Variants in DLG2 observed in about 807,000 individuals in gnomAD.
DLG2 encodes the protein discs large MAGUK scaffold protein 2, also known as disks large homolog 2.
DLG2 carries 45 observed loss-of-function variants against 132.5 expected under a neutral mutation model. The ratio of observed to expected loss-of-function variants is 0.34; its 90% CI spans 0.27 to 0.44. The LOEUF is 0.44. Among genes scored for constraint, DLG2 ranks in the 20% least tolerant of loss-of-function variants. The pLI is 1.00. For synonymous variants in DLG2, 424 were observed against 419.6 expected (o/e 1.01, Z -0.13); for missense variants, 1,045 against 1,196.9 (o/e 0.87, Z 1.87).
intron 6 of DLG2, among the ~76,000 whole-genome samples, chr11:84,794,140 C>T (rs993759282): frequency 6.6e-6 from 1 of 152,118 alleles, no homozygotes; most frequent in African/African-American, 2.4e-5. Flanking sequence ...TAATTTATCA[C>T]TGATTACATA....
intron 4 of DLG2, among the ~76,000 whole-genome samples, chr11:85,262,300 A>G (rs1348013414): frequency 2.0e-5 from 3 of 152,200 alleles, no homozygotes; most frequent in Non-Finnish European, 4.4e-5. Flanking sequence ...AAATATTAAA[A>G]GCTGATAGAG....
chr11:83,485,201 CAT>C lies in DLG2; in HGVS notation c.2194-975_2194-974del, dbSNP rs199606250. Among the ~76,000 whole-genome samples the C allele has an allele frequency of 2.3e-3, 356 of 152,164 alleles. 4 individuals are homozygous for C. Among genetic ancestry groups the C allele is most frequent in the East Asian group, 0.017 (88 of 5,166 alleles). The stretch of plus-strand genomic sequence containing the variant: ...AAATGAGGCTGAATTAAAAATAACA[CAT>C]AGATACATAATACGATACAGGCATT... On this transcript the variant is annotated intron_variant, in intron 21 of 27. Coordinates refer to ENST00000376104, the MANE Select transcript of DLG2 (RefSeq NM_001142699.3).
intron 6 of DLG2, among the ~76,000 whole-genome samples, chr11:84,719,606 A>AATG (rs2061576919): frequency 6.6e-6 from 1 of 152,202 alleles, no homozygotes; most frequent in Non-Finnish European, 1.5e-5. Context: ...AGGAGCAATG[A>AATG]ATGATAACCT....
intron 6 of DLG2, among the ~76,000 whole-genome samples, chr11:84,616,049 A>G (rs2099603885): frequency 1.3e-5 from 2 of 152,032 alleles, no homozygotes; most frequent in African/African-American, 2.4e-5. Flanking sequence ...ATGACAAAAA[A>G]GTACTATGAA....
At chr11:85,344,490 A>G (rs2082699554) in intron 3 of DLG2, among the ~76,000 whole-genome samples, 1 of 152,218 alleles carries the variant, frequency 6.6e-6, no homozygotes, top group African/African-American at 2.4e-5. Context: ...ACTACTTCAT[A>G]TAAAGAATTT....
intron 7 of DLG2, among the ~76,000 whole-genome samples, chr11:84,422,064 A>G (rs1014353978): frequency 1.3e-5 from 2 of 152,178 alleles, no homozygotes; most frequent in African/African-American, 4.8e-5. Flanking sequence ...CCACTCAAAC[A>G]TATCTCTCCC....
At chr11:84,818,019 C>T (rs2077253744) in intron 6 of DLG2, among the ~76,000 whole-genome samples, 1 of 151,944 alleles carries the variant, frequency 6.6e-6, no homozygotes, top group African/African-American at 2.4e-5. Flanking sequence ...ATATGCCAAA[C>T]AGATGATGAA....
intron 7 of DLG2, among the ~76,000 whole-genome samples, chr11:84,284,250 T>C (rs753208677): frequency 2.6e-5 from 4 of 152,118 alleles, no homozygotes; most frequent in Non-Finnish European, 4.4e-5. Flanking sequence ...AAATCAAACC[T>C]GGCATCTGAC....
Position 85,517,432 on chromosome 11 carries a change from G to C in DLG2, c.40+81225C>G, listed in dbSNP as rs143905804. Among the ~76,000 whole-genome samples, 21 of 152,014 alleles carry C rather than the reference G, an allele frequency of 1.4e-4. No homozygotes were observed. The East Asian group carries it at 3.3e-3, about 24-fold the overall frequency. On this transcript the variant is annotated intron_variant, in intron 3 of 27. Coordinates refer to ENST00000376104, the MANE Select transcript of DLG2 (RefSeq NM_001142699.3). ...ACACAATACTAGAAGTCCTAGCCAGGGCAATCAGGAAGTAGAAAGAAATAA... is the reference window on the plus strand; with the variant it reads ...ACACAATACTAGAAGTCCTAGCCAGCGCAATCAGGAAGTAGAAAGAAATAA...
intron 4 of DLG2, among the ~76,000 whole-genome samples, chr11:85,251,313 A>C (rs1403259676): frequency 6.6e-6 from 1 of 152,200 alleles, no homozygotes; most frequent in African/African-American, 2.4e-5. Context: ...GTCAAAATGG[A>C]AACTCTCATC....
At chr11:85,373,103 C>T (rs574050673) in intron 3 of DLG2, among the ~76,000 whole-genome samples, 53 of 152,270 alleles carry the variant, frequency 3.5e-4, no homozygotes, top group African/African-American at 1.2e-3. Context: ...TTAAACTGGT[C>T]GACCTAGGTT....
At chr11:85,488,344 G>A (rs1053209359) in intron 3 of DLG2, among the ~76,000 whole-genome samples, 2 of 151,272 alleles carry the variant, frequency 1.3e-5, no homozygotes, top group African/African-American at 2.4e-5. Context: ...AGCCGAGATC[G>A]CACCACTGCA....
At chr11:83,929,224 A>T (rs1271024688) in intron 15 of DLG2, among the ~76,000 whole-genome samples, 1 of 152,234 alleles carries the variant, frequency 6.6e-6, no homozygotes, top group African/African-American at 2.4e-5. Context: ...CTTTCAAAGT[A>T]TCAAAAAATA....
At chr11:83,650,886 T>C (rs1275660502) in intron 18 of DLG2, among the ~76,000 whole-genome samples, 1 of 152,216 alleles carries the variant, frequency 6.6e-6, no homozygotes, top group Non-Finnish European at 1.5e-5. Context: ...AAATGGCCTG[T>C]CTGCAACATG....
intron 5 of DLG2, among the ~76,000 whole-genome samples, chr11:85,129,044 T>G (rs1300511929): frequency 6.6e-6 from 1 of 152,196 alleles, no homozygotes; most frequent in Non-Finnish European, 1.5e-5. Context: ...AACTAATACA[T>G]GTCAGAACAA....
At chr11:84,951,434 T>C (rs1302546344) in intron 6 of DLG2, among the ~76,000 whole-genome samples, 1 of 152,254 alleles carries the variant, frequency 6.6e-6, no homozygotes, top group Non-Finnish European at 1.5e-5. Context: ...AAACACTTGG[T>C]ATATGTTTGT....
At chr11:84,826,583 C>T (rs780354520) in intron 6 of DLG2, among the ~76,000 whole-genome samples, 5 of 151,800 alleles carry the variant, frequency 3.3e-5, no homozygotes, top group Non-Finnish European at 7.4e-5. Flanking sequence ...CTCTATTTAC[C>T]TTTATTAACT....
At chr11:85,082,986 A>T (rs58434167) in intron 6 of DLG2, among the ~76,000 whole-genome samples, 5,339 of 151,824 alleles carry the variant, frequency 0.035, 130 homozygotes, top group African/African-American at 0.057. Context: ...TCAAGATAAA[A>T]CCTCAATTTA....
At chr11:84,544,990 T>C (rs1326704460) in intron 6 of DLG2, 2 of 389,710 alleles carry the variant, frequency 5.1e-6, no homozygotes, top group East Asian at 7.5e-5. Context: ...TCCATACACA[T>C]GAGTATTGTC....
Sources: allele counts gnomAD v4.1 joint callset (sites outside exome capture counted in the v4.1 genomes callset), GRCh38; gene constraint gnomAD v4.1.1; transcripts MANE v1.5; gene names NCBI Gene and HGNC (gene_info 2026-07-23, HGNC 2026-07-21).